The following TPRG1 variants were observed in gnomAD, a reference collection of about 807,000 sequenced individuals.
TPRG1 encodes the protein tumor protein p63 regulated 1, also known as tumor protein p63-regulated gene 1 protein.
In TPRG1, 29 loss-of-function variants were observed where a neutral mutation model predicts 29.3. The ratio of observed to expected loss-of-function variants is 0.99; its 90% CI spans 0.74 to 1.35. The LOEUF (loss-of-function observed/expected upper bound fraction) is 1.35, where lower values mean the gene tolerates loss of function less well. TPRG1 is among the 40% of genes most tolerant of loss of function. The pLI, the probability that TPRG1 is intolerant of heterozygous loss-of-function variation, is 0.00. For synonymous variants in TPRG1, 130 were observed against 116.8 expected, an observed-to-expected ratio of 1.11 and a Z score of -0.73; for missense variants, 327 against 335.0, an observed-to-expected ratio of 0.98 and a Z score of 0.19.
chr3:189,281,909 C>T (rs1717202356), intron 4 of TPRG1, among the ~76,000 whole-genome samples: 1 of 151,964 alleles, frequency 6.6e-6, no homozygotes, highest in South Asian at 2.1e-4. Context: ...GAGACAGAGT[C>T]TCTCTCTGTC....
intron 2 of TPRG1, 61 bp downstream of exon 2, chr3:189,207,655 C>T: frequency 6.6e-7 from 1 of 1,506,734 alleles, no homozygotes; most frequent in Non-Finnish European, 9.2e-7. Context: ...TCTTAAAATC[C>T]TTCTGTGTAT....
At chr3:189,117,920 G>A (rs1211194073) in intron 1 of TPRG1, among the ~76,000 whole-genome samples, 1 of 152,222 alleles carries the variant, frequency 6.6e-6, no homozygotes, top group African/African-American at 2.4e-5. Flanking sequence ...GTACTGGCTA[G>A]TGGGGTGCTG....
In TPRG1 at chr3:189,076,007, A is replaced by G. The variant is rs1717147642; in HGVS notation, c.-462-51050A>G. Among the ~76,000 whole-genome samples the G allele has an allele frequency of 2.6e-5, 4 of 152,186 alleles. 1 individual carries two copies. Among genetic ancestry groups the G allele is most frequent in the Admixed American group, 2.6e-4 (4 of 15,290 alleles). ...TTTCTCTTTATGAATATAACAACAT[A>G]TTTATTTTCTTCAACCCCAATTTTC... On this transcript the variant is annotated intron_variant, in intron 4 of 10. Coordinates refer to the TPRG1 transcript ENST00000433971.
At chr3:189,094,586 C>T (rs1046255789) in intron 4 of TPRG1, among the ~76,000 whole-genome samples, 2 of 152,196 alleles carry the variant, frequency 1.3e-5, no homozygotes, top group Non-Finnish European at 2.9e-5. Context: ...CTCACAGACT[C>T]CGGCTTGCAT....
intron 4 of TPRG1, among the ~76,000 whole-genome samples, chr3:189,051,466 A>G (rs76356982): frequency 6.6e-6 from 1 of 152,202 alleles, no homozygotes; most frequent in Non-Finnish European, 1.5e-5. Flanking sequence ...AAATGGAAAC[A>G]CATTCCATTC....
chr3:189,025,424 A>G (rs1314342904), intron 4 of TPRG1, among the ~76,000 whole-genome samples: 2 of 152,070 alleles, frequency 1.3e-5, no homozygotes, highest in Admixed American at 1.3e-4. Flanking sequence ...ATCAGTCCCA[A>G]TGCGAGTCCC....
intron 4 of TPRG1, among the ~76,000 whole-genome samples, chr3:189,260,918 A>G (rs764531799): frequency 4.6e-5 from 7 of 152,080 alleles, no homozygotes; most frequent in Non-Finnish European, 1.0e-4. Flanking sequence ...TCAGAGCTCT[A>G]ATTTGGCACC....
intron 3 of TPRG1, among the ~76,000 whole-genome samples, chr3:189,226,144 C>A (rs967781911): frequency 6.6e-5 from 10 of 152,210 alleles, no homozygotes; most frequent in Non-Finnish European, 7.3e-5. Context: ...CACCATCAAT[C>A]AGCTGGACCT....
At chr3:189,298,832 A>G (rs28458907) in intron 4 of TPRG1, among the ~76,000 whole-genome samples, 41,424 of 152,156 alleles carry the variant, frequency 0.27, 6,230 homozygotes, top group Middle Eastern at 0.35. Flanking sequence ...TGTATCATGT[A>G]TCTTCTCTTG....
At chr3:189,086,088 C>T (rs1717916412) in intron 4 of TPRG1, among the ~76,000 whole-genome samples, 1 of 152,134 alleles carries the variant, frequency 6.6e-6, no homozygotes, top group African/African-American at 2.4e-5. Flanking sequence ...GCCGACAGTG[C>T]AGCCTTCAGC....
intron 1 of TPRG1, among the ~76,000 whole-genome samples, chr3:189,119,991 C>CA (rs1227022257): frequency 6.6e-6 from 1 of 152,186 alleles, no homozygotes; most frequent in Non-Finnish European, 1.5e-5. Context: ...TAGAGCACTC[C>CA]ATGAGCAAGT....
chr3:189,140,057 C>G (rs979205359), intron 3 of TPRG1, among the ~76,000 whole-genome samples: 6 of 152,142 alleles, frequency 3.9e-5, no homozygotes, highest in African/African-American at 1.4e-4. Context: ...CACACACACA[C>G]AGAGACACAC....
At chr3:189,080,880 A>C (rs1424113403) in intron 4 of TPRG1, among the ~76,000 whole-genome samples, 2 of 151,752 alleles carry the variant, frequency 1.3e-5, no homozygotes, top group Non-Finnish European at 2.9e-5. Flanking sequence ...TGAAGGAAGA[A>C]TGTTTGGCAG....
chr3:189,235,563 A>T (rs1739330840), intron 3 of TPRG1, among the ~76,000 whole-genome samples: 1 of 152,148 alleles, frequency 6.6e-6, no homozygotes, highest in Non-Finnish European at 1.5e-5. Context: ...GGACACTGAA[A>T]GGGGACAAGG....
At chr3:189,112,200 G>T (rs1484161131) in intron 1 of TPRG1, among the ~76,000 whole-genome samples, 2 of 152,026 alleles carry the variant, frequency 1.3e-5, no homozygotes, top group East Asian at 3.9e-4. Flanking sequence ...AATTTTATTT[G>T]CTAGTACTTT....
At chr3:189,027,626 G>A (rs560338949) in intron 4 of TPRG1, among the ~76,000 whole-genome samples, 18 of 152,206 alleles carry the variant, frequency 1.2e-4, no homozygotes, top group African/African-American at 4.3e-4. Flanking sequence ...ATGTTTTTAT[G>A]TATCCAATGC....
chr3:189,134,272 C>A (rs2108542365), intron 3 of TPRG1, among the ~76,000 whole-genome samples: 1 of 152,106 alleles, frequency 6.6e-6, no homozygotes, highest in Non-Finnish European at 1.5e-5. Flanking sequence ...TATTCAGGGC[C>A]CTTCAAAGTT....
intron 1 of TPRG1, among the ~76,000 whole-genome samples, chr3:189,109,427 G>C (rs1012165346): frequency 2.6e-5 from 4 of 152,170 alleles, no homozygotes; most frequent in African/African-American, 9.7e-5. Context: ...CAACGTGTGT[G>C]AACCTGAGTA....
intron 4 of TPRG1, among the ~76,000 whole-genome samples, chr3:189,086,701 G>C (rs1560435929): frequency 6.6e-6 from 1 of 152,034 alleles, no homozygotes; most frequent in Non-Finnish European, 1.5e-5. Flanking sequence ...CTAATTTTTT[G>C]TATTTTTAGT....
Sources: allele counts gnomAD v4.1 joint callset (sites outside exome capture counted in the v4.1 genomes callset), GRCh38; gene constraint gnomAD v4.1.1; transcripts MANE v1.5; gene names NCBI Gene and HGNC (gene_info 2026-07-23, HGNC 2026-07-21).